ZDHHC21: variants seen among roughly 807,000 people sequenced by gnomAD.
The protein encoded by ZDHHC21 is zDHHC palmitoyltransferase 21.
A neutral mutation model predicts 34.6 loss-of-function variants in ZDHHC21; 15 were observed. The ratio of observed to expected loss-of-function variants is 0.43; its 90% CI spans 0.29 to 0.67. The LOEUF is 0.67. Ranked by LOEUF, ZDHHC21 falls within the 30% of genes least tolerant of loss-of-function variation. The probability of loss-of-function intolerance (pLI) is 0.14; values close to 1 mark genes in which losing one functional copy is unlikely to be tolerated. For synonymous variants in ZDHHC21, 142 were observed against 101.8 expected (o/e 1.40, Z -2.38); for missense variants, 344 against 327.7 (o/e 1.05, Z -0.38).
intron 7 of ZDHHC21, among the ~76,000 whole-genome samples, chr9:14,648,087 C>T (rs1476669841): frequency 6.6e-6 from 1 of 152,096 alleles, no homozygotes. Context: ...CTCCATTCTT[C>T]CAGTTGTTTG....
In ZDHHC21 at chr9:14,673,849, A is replaced by T. The variant is rs185319405; in HGVS notation, c.154+338T>A. On this transcript the variant is annotated intron_variant, in intron 4 of 9. Coordinates refer to ENST00000380916, the MANE Select transcript of ZDHHC21 (RefSeq NM_178566.6). ...CTTCTCAGTAATGTATACTGTCTCT[A>T]TTCTTAAAACATCTACATTTGTAAT... 3.9e-4 allele frequency among the ~76,000 whole-genome samples: 59 copies of T among 152,176 alleles called. No homozygotes were observed. In the East Asian group the frequency reaches 0.011, roughly 29 times the overall value.
chr9:14,620,456 T>G (rs1453663583), intron 8 of ZDHHC21, among the ~76,000 whole-genome samples: 2 of 152,048 alleles, frequency 1.3e-5, no homozygotes, highest in Non-Finnish European at 1.5e-5. Flanking sequence ...TAAATATATT[T>G]TGAAACAGTG....
rs117672409 is a variant in ZDHHC21 at position 14,687,001 on chromosome 9, A to G, written c.-176+3336T>C. 4.5e-3 allele frequency among the ~76,000 whole-genome samples: 675 copies of G among 150,808 alleles called. 7 individuals are homozygous for G. The highest frequency in any genetic ancestry group is 7.8e-3 in the Non-Finnish European group (530 of 68,012). ...AAAACAAAAAAAAAAACAATGTTAA[A>G]GAGCTGCTACCCCAATGGCAAATAA... On this transcript the variant is annotated intron_variant, in intron 2 of 9. Coordinates refer to ENST00000380916, the MANE Select transcript of ZDHHC21 (RefSeq NM_178566.6).
rs140852682 is a variant in ZDHHC21 at position 14,687,422 on chromosome 9, G to A, written c.-176+2915C>T. Among the ~76,000 whole-genome samples the A allele has an allele frequency of 6.7e-3, 1,012 of 150,936 alleles. 107 individuals are homozygous for A. The highest frequency in any genetic ancestry group is 0.024 in the African/African-American group (959 of 40,210). On this transcript the variant is annotated intron_variant, in intron 2 of 9. Coordinates refer to ENST00000380916, the MANE Select transcript of ZDHHC21 (RefSeq NM_178566.6). The stretch of plus-strand genomic sequence containing the variant: ...ATGGTGGCTCATGCCTGTAATCCCA[G>A]CACTTTAGGAGGCCAAGGTGGGCAG...
chr9:14,651,281 G>A (rs1044159006), intron 7 of ZDHHC21, among the ~76,000 whole-genome samples: 1 of 151,818 alleles, frequency 6.6e-6, no homozygotes, highest in Non-Finnish European at 1.5e-5. Flanking sequence ...CAGATATTAT[G>A]ATGTTTAGTA....
rs949602991 is a variant in ZDHHC21 at position 14,693,237 on chromosome 9, C to T, written c.-233G>A. On this transcript the variant is annotated 5_prime_UTR_variant, in exon 1 of 10. Coordinates refer to ENST00000380916, the MANE Select transcript of ZDHHC21 (RefSeq NM_178566.6). ...CGCGCCTGCACACTCACCGTCGCCGCTGGCTCGCCTCTCGCTGCCGCCGCT... is the reference window on the plus strand; with the variant it reads ...CGCGCCTGCACACTCACCGTCGCCGTTGGCTCGCCTCTCGCTGCCGCCGCT... 5.6e-5 allele frequency: 23 copies of T among 408,816 alleles called. No individual in the cohort carries two copies. Among genetic ancestry groups the T allele is most frequent in the Admixed American group, 1.1e-4 (4 of 36,582 alleles). The allele number at this position is 408,816 out of a possible 1,614,324, so 25.3% of individuals were successfully genotyped here. A position where few individuals can be genotyped will look rare whatever the true frequency, so the allele number is the denominator to read the frequency against.
At chr9:14,598,346 G>C in the ZDHHC21 span, among the ~76,000 whole-genome samples, 1 of 152,138 alleles carries the variant, frequency 6.6e-6, no homozygotes, top group Non-Finnish European at 1.5e-5. Context: ...TACTGATGCT[G>C]ATTACACCCA....
intron 5 of ZDHHC21, among the ~76,000 whole-genome samples, chr9:14,665,376 T>G (rs1834228010): frequency 7.2e-6 from 1 of 139,540 alleles, no homozygotes; most frequent in Admixed American, 7.2e-5. Context: ...GTCTGATTGG[T>G]GTACCTGAAA....
At chr9:14,679,554 T>C (rs1180275075) in intron 3 of ZDHHC21, among the ~76,000 whole-genome samples, 2 of 151,612 alleles carry the variant, frequency 1.3e-5, no homozygotes, top group African/African-American at 4.8e-5. Context: ...GAGAAAGGAG[T>C]AGTGAAAAGG....
At position 14,618,981 on chromosome 9, in the gene ZDHHC21, A is replaced by ATGTCT. The variant is rs753115388; in HGVS notation, c.782_783insAGACA (p.Phe261LeufsTer28). 1.7e-5 allele frequency: 28 copies of ATGTCT among 1,609,194 alleles called. No homozygotes were observed. The highest frequency in any genetic ancestry group is 2.4e-5 in the Non-Finnish European group (28 of 1,177,578). On this transcript the variant is annotated frameshift_variant, in exon 10 of 10. Transcript: ENST00000380916. LOFTEE classifies it high-confidence loss of function. ...ATCCATCTGTTTAGACATGATTGGC[A>ATGTCT]AAGTGGTAGGGAACTCGCAGTGGTT...
downstream of ZDHHC21, among the ~76,000 whole-genome samples, chr9:14,610,790 T>C (rs890528691): frequency 6.6e-6 from 1 of 152,032 alleles, no homozygotes; most frequent in Non-Finnish European, 1.5e-5. Context: ...TTAAATAAAT[T>C]GGGTGACTGA....
chr9:14,610,050 G>A (rs1011674360), downstream of ZDHHC21, among the ~76,000 whole-genome samples: 2 of 130,572 alleles, frequency 1.5e-5, no homozygotes, highest in African/African-American at 5.3e-5. Context: ...TGTTATTTAT[G>A]TTAACATGTA....
chr9:14,679,707 C>G (rs1295647715), intron 3 of ZDHHC21, among the ~76,000 whole-genome samples: 1 of 152,030 alleles, frequency 6.6e-6, no homozygotes, highest in Non-Finnish European at 1.5e-5. Flanking sequence ...CTCTTTGTCA[C>G]TATATATTAT....
rs1824364948 is a variant in ZDHHC21 at position 14,617,230 on chromosome 9, T to C, written c.*1736A>G. On this transcript the variant is annotated 3_prime_UTR_variant, in exon 10 of 10. Coordinates refer to ENST00000380916, the MANE Select transcript of ZDHHC21 (RefSeq NM_178566.6). ...TTTGTGTTTCACTAAGCTTTATAAA[T>C]ATATTTCTTCTATTTAATTTACTAC... 1 of 152,000 alleles carries C rather than the reference T, an allele frequency of 6.6e-6. No individual in the cohort carries two copies. Among genetic ancestry groups the C allele is most frequent in the Admixed American group, 6.6e-5 (1 of 15,220 alleles). 9.4% of individuals were successfully genotyped at this position (152,000 alleles called of 1,614,324 possible).
chr9:14,619,736 T>C lies in ZDHHC21; in HGVS notation c.622-54A>G. On this transcript the variant is annotated intron_variant, in intron 8 of 9. Transcript: ENST00000380916. ...TGTAAGAAAGTTATTAAGTCTTTAT[T>C]CTGTATCCACTCTATCATGTTTTTA... is the stretch of plus-strand genomic sequence containing the variant. 2.8e-6 allele frequency: 3 copies of C among 1,056,770 alleles called. No homozygotes were observed. The South Asian group carries it at 4.7e-5, about 17-fold the overall frequency. 65.5% of individuals were successfully genotyped at this position (1,056,770 alleles called of 1,614,324 possible).
At chr9:14,675,840 T>G (rs1356781371) in intron 3 of ZDHHC21, among the ~76,000 whole-genome samples, 1 of 151,930 alleles carries the variant, frequency 6.6e-6, no homozygotes, top group African/African-American at 2.4e-5. Context: ...CTGAATTCAG[T>G]CTTAGAAGGT....
chr9:14,657,081 C>G (rs1352488471), intron 7 of ZDHHC21, among the ~76,000 whole-genome samples: 1 of 151,972 alleles, frequency 6.6e-6, no homozygotes, highest in Non-Finnish European at 1.5e-5. Flanking sequence ...ATTAATTTCT[C>G]TCCAGTTTCT....
the ZDHHC21 span, among the ~76,000 whole-genome samples, chr9:14,596,835 TAGA>T: frequency 6.6e-6 from 1 of 151,908 alleles, no homozygotes; most frequent in Non-Finnish European, 1.5e-5. Flanking sequence ...AAACAGTGAG[TAGA>T]AGATCACACA....
chr9:14,592,316 G>C, the ZDHHC21 span, among the ~76,000 whole-genome samples: 2 of 151,696 alleles, frequency 1.3e-5, no homozygotes, highest in East Asian at 1.9e-4. Flanking sequence ...ACTTTGTTTC[G>C]ATATAATTCC....
Sources: gnomAD v4.1 joint callset for allele counts (sites outside exome capture counted in the v4.1 genomes callset) on GRCh38, gnomAD v4.1.1 for gene constraint, MANE v1.5 for transcripts, NCBI Gene and HGNC (gene_info 2026-07-23, HGNC 2026-07-21) for gene names.